ROBO1: variants seen among roughly 807,000 people sequenced by gnomAD.
ROBO1 encodes roundabout homolog 1.
In ROBO1, 149 loss-of-function variants were observed where a neutral mutation model predicts 195.9. The observed-to-expected ratio is 0.76, with a 90% CI of 0.67 to 0.87. The LOEUF is 0.87. Ranked by LOEUF, ROBO1 falls within the 40% of genes least tolerant of loss-of-function variation. The pLI is 0.00. For synonymous variants in ROBO1, 816 were observed against 733.2 expected (o/e 1.11, Z -1.82); for missense variants, 1,933 against 2,068.3 (o/e 0.93, Z 1.27).
chr3:79,233,992 G>C (rs2082363751), intron 2 of ROBO1, among the ~76,000 whole-genome samples: 1 of 151,658 alleles, frequency 6.6e-6, no homozygotes. Context: ...CGTCTTCTTT[G>C]AGAAGTATAA....
At chr3:78,669,366 T>C (rs1306661488) in intron 11 of ROBO1, among the ~76,000 whole-genome samples, 1 of 152,222 alleles carries the variant, frequency 6.6e-6, no homozygotes, top group African/African-American at 2.4e-5. Flanking sequence ...TAAAGTGAAC[T>C]GTGATGCTGA....
intron 1 of ROBO1, among the ~76,000 whole-genome samples, chr3:79,714,640 A>C (rs1190475352): frequency 6.6e-6 from 1 of 151,940 alleles, no homozygotes; most frequent in Non-Finnish European, 1.5e-5. Flanking sequence ...AAAATGTGGC[A>C]CATATACATC....
At chr3:79,503,282 G>T (rs904404872) in intron 2 of ROBO1, among the ~76,000 whole-genome samples, 1 of 152,144 alleles carries the variant, frequency 6.6e-6, no homozygotes, top group Admixed American at 6.5e-5. Flanking sequence ...TCACTCCTGA[G>T]CCAGGAAGAT....
At chr3:79,637,882 C>A (rs527893615) in intron 1 of ROBO1, among the ~76,000 whole-genome samples, 190 of 152,104 alleles carry the variant, frequency 1.2e-3, no homozygotes, top group African/African-American at 4.5e-3. Context: ...CTCTAGCTTT[C>A]TTTTTAAAAA....
intron 3 of ROBO1, among the ~76,000 whole-genome samples, chr3:78,952,802 G>C (rs371003586): frequency 6.6e-6 from 1 of 151,996 alleles, no homozygotes; most frequent in East Asian, 1.9e-4. Context: ...ATGCCATTTC[G>C]CTCAGCTACT....
At position 79,295,934 on chromosome 3, in the gene ROBO1, T is replaced by A. The variant is rs537508345; in HGVS notation, c.89-170395A>T. Among the ~76,000 whole-genome samples the A allele has an allele frequency of 1.9e-3, 289 of 152,296 alleles. 1 individual carries two copies. The highest frequency in any genetic ancestry group is 2.7e-3 in the Non-Finnish European group (182 of 68,020). On this transcript the variant is annotated intron_variant, in intron 2 of 30. Coordinates refer to ENST00000464233, the MANE Select transcript of ROBO1 (RefSeq NM_002941.4). The stretch of plus-strand genomic sequence containing the variant: ...TGGTGGATTTAGATAACGGTGAAAC[T>A]AACATTTCATATGTATAAATATTAA...
chr3:79,527,479 T>A (rs2107600080), intron 2 of ROBO1, among the ~76,000 whole-genome samples: 1 of 152,246 alleles, frequency 6.6e-6, no homozygotes, highest in Admixed American at 6.5e-5. Flanking sequence ...AGTGTTCAAA[T>A]TTTCTATGGT....
At chr3:78,664,005 G>C (rs1330690292) in intron 14 of ROBO1, among the ~76,000 whole-genome samples, 1 of 152,054 alleles carries the variant, frequency 6.6e-6, no homozygotes, top group Non-Finnish European at 1.5e-5. Context: ...CTACCAGTCA[G>C]TTCCTTCATG....
intron 4 of ROBO1, among the ~76,000 whole-genome samples, chr3:78,907,347 C>G (rs982373903): frequency 8.6e-5 from 13 of 152,014 alleles, no homozygotes; most frequent in Non-Finnish European, 1.0e-4. Flanking sequence ...GAATCTAGCA[C>G]AGTGACAAGG....
At chr3:79,395,340 A>AAAAAAAAAAGAAAGAAAGAAAGAAAG (rs71631648) in intron 2 of ROBO1, among the ~76,000 whole-genome samples, 2 of 119,060 alleles carry the variant, frequency 1.7e-5, no homozygotes, top group African/African-American at 6.2e-5. Context: ...AAAAAAAAAA[A>AAAAAAAAAAGAAAGAAAGAAAGAAAG]AAAGAAAGAA....
At chr3:79,012,632 A>G (rs2077810807) in intron 3 of ROBO1, among the ~76,000 whole-genome samples, 1 of 152,236 alleles carries the variant, frequency 6.6e-6, no homozygotes, top group African/African-American at 2.4e-5. Flanking sequence ...TGTGTGGAAT[A>G]ACACTGTCAT....
intron 2 of ROBO1, among the ~76,000 whole-genome samples, chr3:79,420,629 C>A (rs2038185425): frequency 6.6e-6 from 1 of 152,106 alleles, no homozygotes; most frequent in African/African-American, 2.4e-5. Flanking sequence ...CTACTTGAAT[C>A]TGAGTTAGCT....
rs372138389 is a variant in ROBO1 at position 79,551,267 on chromosome 3, A to G, written c.88+38557T>C. ...CAGGTTACATATGTATACATGTGCC[A>G]TGCTGGTGTGCTGCACCCATTAACT... On this transcript the variant is annotated intron_variant, in intron 2 of 30. Transcript: ENST00000464233. Among the ~76,000 whole-genome samples the G allele has an allele frequency of 3.3e-5, 5 of 151,716 alleles. No homozygotes were observed. The East Asian group carries it at 5.8e-4, about 18-fold the overall frequency.
At chr3:78,861,565 C>T (rs1576306638) in intron 4 of ROBO1, among the ~76,000 whole-genome samples, 1 of 152,168 alleles carries the variant, frequency 6.6e-6, no homozygotes, top group Admixed American at 6.6e-5. Context: ...TGCCATGAAT[C>T]TTCGGAAAAT....
intron 1 of ROBO1, among the ~76,000 whole-genome samples, chr3:79,626,432 T>TCAAAAA (rs561559049): frequency 6.6e-6 from 1 of 151,860 alleles, no homozygotes; most frequent in Non-Finnish European, 1.5e-5. Flanking sequence ...CAAGACTCCA[T>TCAAAAA]CAAAAACAAA....
chr3:79,157,205 C>A (rs1472035319), intron 2 of ROBO1, among the ~76,000 whole-genome samples: 1 of 151,660 alleles, frequency 6.6e-6, no homozygotes, highest in African/African-American at 2.4e-5. Flanking sequence ...GGGCTTTTTC[C>A]CTGGACTTTC....
intron 30 of ROBO1, among the ~76,000 whole-genome samples, chr3:78,599,301 A>G (rs1358140230): frequency 1.3e-5 from 2 of 152,178 alleles, no homozygotes; most frequent in Non-Finnish European, 2.9e-5. Context: ...CCAAAAGGCT[A>G]CTTCTATTTT....
intron 2 of ROBO1, among the ~76,000 whole-genome samples, chr3:79,451,718 A>G (rs572057550): frequency 2.6e-5 from 4 of 152,226 alleles, no homozygotes; most frequent in Non-Finnish European, 5.9e-5. Context: ...AACAACCAGT[A>G]CGTGGTATTT....
intron 2 of ROBO1, among the ~76,000 whole-genome samples, chr3:79,248,396 A>AG (rs1408256218): frequency 4.0e-5 from 6 of 150,084 alleles, no homozygotes; most frequent in African/African-American, 9.7e-5. Context: ...AAAAAAAAAA[A>AG]AGAGAGAGAG....
Sources: allele counts gnomAD v4.1 joint callset (sites outside exome capture counted in the v4.1 genomes callset), GRCh38; gene constraint gnomAD v4.1.1; transcripts MANE v1.5; gene names NCBI Gene and HGNC (gene_info 2026-07-23, HGNC 2026-07-21).